MAP4K3: variants seen among roughly 807,000 people sequenced by gnomAD.
MAP4K3 encodes mitogen-activated protein kinase kinase kinase kinase 3, also known as MAPK/ERK kinase kinase kinase 3.
MAP4K3 carries 94 observed loss-of-function variants against 143.5 expected under a neutral mutation model. That is an observed-to-expected ratio of 0.65 (90% CI 0.55 to 0.78). The LOEUF (loss-of-function observed/expected upper bound fraction) is 0.78, where lower values mean the gene tolerates loss of function less well. Ranked by LOEUF, MAP4K3 falls within the 30% of genes least tolerant of loss-of-function variation. The pLI, the probability that MAP4K3 is intolerant of heterozygous loss-of-function variation, is 0.00. For synonymous variants in MAP4K3, 416 were observed against 347.2 expected (o/e 1.20, Z -2.20); for missense variants, 1,077 against 1,068.1 (o/e 1.01, Z -0.12).
rs34783806 is a variant in MAP4K3, at chr2:39,429,064, CAAAAAAAAAA to C, written c.96+7818_96+7827del. Among the ~76,000 whole-genome samples the C allele has an allele frequency of 9.1e-3, 546 of 60,146 alleles. 5 individuals are homozygous for C. Among genetic ancestry groups the C allele is most frequent in the African/African-American group, 0.039 (514 of 13,182 alleles). 39.5% of individuals were successfully genotyped at this position (60,146 alleles called of 152,430 possible). A position where few individuals can be genotyped will look rare whatever the true frequency, so the allele number is the denominator to read the frequency against. ...TGGGCGACAGAGCGAGACTCCGTCT[CAAAAAAAAAA>C]AAAAAAAAAAAAAAAGGAGTCCATA... On this transcript the variant is annotated intron_variant, in intron 1 of 33. Coordinates refer to ENST00000263881, the MANE Select transcript of MAP4K3 (RefSeq NM_003618.4).
intron 1 of MAP4K3, among the ~76,000 whole-genome samples, chr2:39,407,140 C>T (rs1156919042): frequency 6.6e-6 from 1 of 152,026 alleles, no homozygotes; most frequent in Non-Finnish European, 1.5e-5. Context: ...GTCATCTCCA[C>T]AGAATAAAAA....
At chr2:39,406,438 T>C (rs143004784) in intron 1 of MAP4K3, among the ~76,000 whole-genome samples, 182 of 152,152 alleles carry the variant, frequency 1.2e-3, no homozygotes, top group Non-Finnish European at 2.0e-3. Flanking sequence ...CATTGAATAC[T>C]CCAAACTCCC....
chr2:39,406,981 T>A (rs1558338830), intron 1 of MAP4K3, among the ~76,000 whole-genome samples: 2 of 152,250 alleles, frequency 1.3e-5, no homozygotes, highest in East Asian at 3.9e-4. Context: ...CATAAAAAAT[T>A]CTTAAAATTT....
intron 12 of MAP4K3, among the ~76,000 whole-genome samples, chr2:39,318,457 T>A (rs1042029145): frequency 6.6e-6 from 1 of 152,194 alleles, no homozygotes; most frequent in Admixed American, 6.5e-5. Flanking sequence ...TGGTAAGATT[T>A]TTAAAAATTA....
At chr2:39,339,809 AC>A (rs1331593114) in intron 4 of MAP4K3, among the ~76,000 whole-genome samples, 1 of 152,092 alleles carries the variant, frequency 6.6e-6, no homozygotes, top group Non-Finnish European at 1.5e-5. Flanking sequence ...CAGAAAAAAA[AC>A]AACAACAACC....
At chr2:39,277,794 G>C (rs1681335306) in intron 24 of MAP4K3, among the ~76,000 whole-genome samples, 1 of 151,498 alleles carries the variant, frequency 6.6e-6, no homozygotes, top group South Asian at 2.1e-4. Context: ...TCGAACTCCT[G>C]ACCTCAGGTG....
intron 18 of MAP4K3, 84 bp from the exon 19 acceptor site, chr2:39,290,418 A>G: frequency 1.2e-6 from 1 of 836,894 alleles, no homozygotes; most frequent in Non-Finnish European, 1.9e-6. Context: ...TCAAAGACAC[A>G]TAAAAAAGCT....
intron 13 of MAP4K3, among the ~76,000 whole-genome samples, chr2:39,314,979 T>A (rs1683066151): frequency 1.3e-5 from 2 of 152,264 alleles, no homozygotes; most frequent in South Asian, 4.1e-4. Context: ...CCATCCCAGG[T>A]CTACTGAATC....
At chr2:39,332,574 G>A (rs1683716401) in intron 7 of MAP4K3, among the ~76,000 whole-genome samples, 1 of 151,896 alleles carries the variant, frequency 6.6e-6, no homozygotes, top group South Asian at 2.1e-4. Context: ...ATATTTTCTA[G>A]TTTACTAATG....
chr2:39,404,686 A>G (rs950253684), intron 1 of MAP4K3, among the ~76,000 whole-genome samples: 1 of 133,244 alleles, frequency 7.5e-6, no homozygotes, highest in Non-Finnish European at 1.5e-5. Context: ...CAACGGCACG[A>G]TCTCGGCTGA....
intron 31 of MAP4K3, among the ~76,000 whole-genome samples, chr2:39,255,156 A>T (rs761369509): frequency 6.6e-6 from 1 of 152,122 alleles, no homozygotes; most frequent in Non-Finnish European, 1.5e-5. Flanking sequence ...TAAATTTTAT[A>T]TTGAATATTT....
At chr2:39,251,272 T>C (rs889391391) in intron 33 of MAP4K3, among the ~76,000 whole-genome samples, 2 of 152,208 alleles carry the variant, frequency 1.3e-5, no homozygotes, top group Non-Finnish European at 2.9e-5. Flanking sequence ...AGAGCAGTCC[T>C]GCCCGCATGA....
chr2:39,348,465 A>G (rs1558659450), intron 3 of MAP4K3, among the ~76,000 whole-genome samples: 3 of 152,172 alleles, frequency 2.0e-5, no homozygotes, highest in Admixed American at 2.0e-4. Flanking sequence ...GTCATAGTCT[A>G]TTAGAGAAAT....
intron 15 of MAP4K3, among the ~76,000 whole-genome samples, chr2:39,301,637 A>G (rs1318352861): frequency 6.6e-6 from 1 of 152,212 alleles, no homozygotes; most frequent in East Asian, 1.9e-4. Flanking sequence ...TGTCATAAAA[A>G]TACTCAGCTC....
At chr2:39,259,740 T>TAA (rs754611835) in intron 29 of MAP4K3, among the ~76,000 whole-genome samples, 96 of 152,326 alleles carry the variant, frequency 6.3e-4, no homozygotes, top group Admixed American at 2.5e-3. Flanking sequence ...ATATTAAAAA[T>TAA]ATTTGAGTCT....
intron 3 of MAP4K3, among the ~76,000 whole-genome samples, chr2:39,350,456 A>G (rs201226531): frequency 7.2e-5 from 11 of 152,232 alleles, no homozygotes; most frequent in African/African-American, 2.4e-4. Context: ...TTCCTAAACT[A>G]GAAAGTTCCC....
At chr2:39,382,242 C>T (rs1666372616) in intron 1 of MAP4K3, among the ~76,000 whole-genome samples, 1 of 152,136 alleles carries the variant, frequency 6.6e-6, no homozygotes. Flanking sequence ...AAGCAGCAAT[C>T]ATTAAGAGCC....
chr2:39,340,627 A>T (rs916914808), intron 4 of MAP4K3, among the ~76,000 whole-genome samples: 2 of 152,194 alleles, frequency 1.3e-5, no homozygotes, highest in African/African-American at 4.8e-5. Context: ...GACACCTAAG[A>T]CCAATCATAT....
chr2:39,258,792 G>C (rs916102661), intron 29 of MAP4K3, among the ~76,000 whole-genome samples: 1 of 152,202 alleles, frequency 6.6e-6, no homozygotes, highest in African/African-American at 2.4e-5. Context: ...GCATATGTTG[G>C]CTGTTGTCAA....
Sources: allele counts gnomAD v4.1 joint callset (sites outside exome capture counted in the v4.1 genomes callset), GRCh38; gene constraint gnomAD v4.1.1; transcripts MANE v1.5; gene names NCBI Gene and HGNC (gene_info 2026-07-23, HGNC 2026-07-21).